The following NPTN variants were observed in gnomAD, a reference collection of about 807,000 sequenced individuals.
The protein encoded by NPTN is neuroplastin, also known as SDR-1.
NPTN carries 5 observed loss-of-function variants against 42.7 expected under a neutral mutation model. The observed-to-expected ratio is 0.12, with a 90% CI of 0.06 to 0.25. NPTN has a LOEUF of 0.25. NPTN is among the 10% of genes least tolerant of loss of function. NPTN has a pLI of 1.00. For synonymous variants in NPTN, 180 were observed against 201.9 expected (o/e 0.89, Z 0.92); for missense variants, 307 against 525.4 (o/e 0.58, Z 4.06).
At chr15:73,614,260 C>T (rs1897746345) in intron 1 of NPTN, among the ~76,000 whole-genome samples, 1 of 151,794 alleles carries the variant, frequency 6.6e-6, no homozygotes, top group Non-Finnish European at 1.5e-5. Flanking sequence ...GTGGAGGCTG[C>T]AGTGAGCTGA....
intron 1 of NPTN, among the ~76,000 whole-genome samples, chr15:73,612,251 T>C (rs553674506): frequency 6.6e-6 from 1 of 151,930 alleles, no homozygotes; most frequent in South Asian, 2.1e-4. Context: ...AGACCCTGTG[T>C]CTTACAAAAA....
chr15:73,633,201 C>A lies in NPTN; in HGVS notation c.15G>T (p.Ser5=), dbSNP rs1186357017. 6.5e-7 allele frequency: 1 copy of A among 1,528,208 alleles called. No homozygotes were observed. The highest frequency in any genetic ancestry group is 8.8e-7 in the Non-Finnish European group (1 of 1,142,670). The allele number at this position is 1,528,208 out of a possible 1,614,324, so 94.7% of individuals were successfully genotyped here. Reference sequence around the variant, plus strand: ...GCGAGAGGGCCAGGGCGCTGGGCAGCGACGAACCCGACATCCTCCCTAGCA... The same window carrying A: ...GCGAGAGGGCCAGGGCGCTGGGCAGAGACGAACCCGACATCCTCCCTAGCA... MSGS[S]LPSALALSLL... is the part of the protein sequence containing the mutation. The change falls in exon 1 of 9, where the codon TCG becomes TCT. Residue 5 remains serine, a synonymous_variant. Transcript: ENST00000345330.
In NPTN at chr15:73,570,358, A is replaced by G. The variant is rs1895299050; in HGVS notation, c.906T>C (p.Ile302=). Residue 302 remains isoleucine (I), a synonymous_variant, in exon 6 of 9, where the codon ATT becomes ATC. Coordinates refer to ENST00000345330, the MANE Select transcript of NPTN (RefSeq NM_012428.4). This position sits in a 1 kb window ranked among gnomAD's most constrained non-coding sequence, Gnocchi z 4.0. The part of the protein sequence containing the change: ...INKENYTELN[I]VNLQITEDPG... Reference sequence around the variant, plus strand: ...GGTCTTCCGTGATCTGCAGGTTCACAATGTTCAACTCAGTGTAATTTTCCT... The same window carrying G: ...GGTCTTCCGTGATCTGCAGGTTCACGATGTTCAACTCAGTGTAATTTTCCT... 6.2e-6 allele frequency: 10 copies of G among 1,614,060 alleles called. No homozygotes were observed. Among genetic ancestry groups the G allele is most frequent in the Non-Finnish European group, 8.5e-6 (10 of 1,180,008 alleles).
intron 1 of NPTN, among the ~76,000 whole-genome samples, chr15:73,614,687 T>C (rs28625800): frequency 0.016 from 2,381 of 152,322 alleles, 87 homozygotes; most frequent in African/African-American, 0.054. Flanking sequence ...TTCTTATTAA[T>C]GAAGGATTAA....
intron 1 of NPTN, among the ~76,000 whole-genome samples, chr15:73,598,472 T>TAA (rs201563805): frequency 2.7e-4 from 39 of 142,680 alleles, no homozygotes; most frequent in Non-Finnish European, 4.8e-4. Context: ...CAGAAAGAGT[T>TAA]AAAAAAAAAA....
At chr15:73,612,349 G>T (rs1168894883) in intron 1 of NPTN, among the ~76,000 whole-genome samples, 1 of 151,482 alleles carries the variant, frequency 6.6e-6, no homozygotes, top group Non-Finnish European at 1.5e-5. Flanking sequence ...GACCCAGGAG[G>T]TCGAAGCTGC....
rs74026224 is a variant in NPTN at position 73,607,966 on chromosome 15, T to C, written c.92-10597A>G. Among the ~76,000 whole-genome samples, 1,340 of 152,212 alleles carry C rather than the reference T, an allele frequency of 8.8e-3. 18 individuals carry two copies. Among genetic ancestry groups the C allele is most frequent in the African/African-American group, 0.03 (1,260 of 41,514 alleles). ...TGTGCAAATTTTGAGCTTGTTTAAA[T>C]GGAAGGAAAACAAAGGCATAAGAGC... On this transcript the variant is annotated intron_variant, in intron 1 of 8. Transcript: ENST00000345330.
At chr15:73,629,525 C>T (rs1427754334) in intron 1 of NPTN, among the ~76,000 whole-genome samples, 1 of 151,824 alleles carries the variant, frequency 6.6e-6, no homozygotes, top group Non-Finnish European at 1.5e-5. Context: ...AATGCAAATA[C>T]TGGCATTATT....
Position 73,568,981 on chromosome 15 carries a change from C to T in NPTN, c.1114+1169G>A, listed in dbSNP as rs553846804. 9 of 985,564 alleles carry T rather than the reference C, an allele frequency of 9.1e-6. No individual in the cohort carries two copies. The East Asian group carries it at 1.0e-3, about 112-fold the overall frequency. The allele number at this position is 985,564 out of a possible 1,614,324, so 61.1% of individuals were successfully genotyped here. Reference sequence around the variant, plus strand: ...GGGCCACATTCTTTCTGAGGGAGCACCAGATGTCACTTTGTATTCTCCACT... The same window carrying T: ...GGGCCACATTCTTTCTGAGGGAGCATCAGATGTCACTTTGTATTCTCCACT... On this transcript the variant is annotated intron_variant, in intron 6 of 8. Coordinates refer to ENST00000345330, the MANE Select transcript of NPTN (RefSeq NM_012428.4).
At chr15:73,584,156 C>A (rs954733874) in intron 4 of NPTN, among the ~76,000 whole-genome samples, 1 of 152,152 alleles carries the variant, frequency 6.6e-6, no homozygotes, top group Admixed American at 6.5e-5. Context: ...GCTCAACCCC[C>A]TTCTGGGCTG....
intron 1 of NPTN, chr15:73,632,871 C>A (rs1013180649): frequency 3.2e-5 from 12 of 376,926 alleles, no homozygotes; most frequent in Non-Finnish European, 9.5e-6. Context: ...ACGAGCCCCA[C>A]GACGTGGAGC....
chr15:73,593,023 C>G (rs577080266), intron 2 of NPTN, among the ~76,000 whole-genome samples: 1 of 151,988 alleles, frequency 6.6e-6, no homozygotes, highest in Admixed American at 6.6e-5. Flanking sequence ...TCTATCCTTG[C>G]CCCCCATCCC....
At chr15:73,579,108 G>A (rs776848179) in intron 4 of NPTN, among the ~76,000 whole-genome samples, 7 of 150,634 alleles carry the variant, frequency 4.6e-5, no homozygotes, top group East Asian at 3.9e-4. Flanking sequence ...GTGAAACCCC[G>A]TCTCTACTAA....
intron 1 of NPTN, among the ~76,000 whole-genome samples, chr15:73,627,670 C>T (rs572315673): frequency 9.9e-5 from 15 of 152,240 alleles, no homozygotes; most frequent in African/African-American, 3.1e-4. Flanking sequence ...TAAATGTTTG[C>T]CTTTGTACAT....
chr15:73,601,728 T>C (rs545493350), intron 1 of NPTN, among the ~76,000 whole-genome samples: 1 of 152,310 alleles, frequency 6.6e-6, no homozygotes, highest in Admixed American at 6.5e-5. Flanking sequence ...CTTAAGTGAC[T>C]GGGCCCAGAT....
intron 1 of NPTN, among the ~76,000 whole-genome samples, chr15:73,631,069 CA>C (rs1366470480): frequency 1.3e-5 from 2 of 152,186 alleles, no homozygotes; most frequent in African/African-American, 4.8e-5. Context: ...TATCACTGAG[CA>C]GACAGATGAG....
intron 6 of NPTN, among the ~76,000 whole-genome samples, chr15:73,566,851 G>A (rs1211125325): frequency 6.6e-6 from 1 of 152,162 alleles, no homozygotes; most frequent in East Asian, 1.9e-4. Flanking sequence ...TGAAGGTAAA[G>A]GTGATCTGTA....
intron 1 of NPTN, among the ~76,000 whole-genome samples, chr15:73,605,771 G>A (rs1374341782): frequency 6.6e-6 from 1 of 150,564 alleles, no homozygotes; most frequent in Non-Finnish European, 1.5e-5. Context: ...GCAAAGAGAA[G>A]AATCAGCTCA....
chr15:73,611,943 G>A (rs116557751), intron 1 of NPTN, among the ~76,000 whole-genome samples: 2,022 of 151,118 alleles, frequency 0.013, 53 homozygotes, highest in African/African-American at 0.046. Context: ...TAAATTAAAA[G>A]TATCAACTGA....
Sources: gnomAD v4.1 joint callset for allele counts (sites outside exome capture counted in the v4.1 genomes callset) on GRCh38, gnomAD v4.1.1 for gene constraint, Gnocchi (gnomAD v3.1) non-coding constraint, MANE v1.5 for transcripts, NCBI Gene and HGNC (gene_info 2026-07-23, HGNC 2026-07-21) for gene names.